CFAP53: variants seen among roughly 807,000 people sequenced by gnomAD.
The protein encoded by CFAP53 is cilia and flagella associated protein 53.
Under a neutral mutation model 59.7 loss-of-function variants are expected in CFAP53, and 62 were observed. That is an observed-to-expected ratio of 1.04 (90% CI 0.85 to 1.28). CFAP53 has a LOEUF of 1.28. Ranked by LOEUF, CFAP53 falls within the 50% of genes most tolerant of loss-of-function variation. CFAP53 has a pLI of 0.00. For synonymous variants in CFAP53, 218 were observed against 205.7 expected, an observed-to-expected ratio of 1.06 and a Z score of -0.51; for missense variants, 629 against 615.6, an observed-to-expected ratio of 1.02 and a Z score of -0.23.
chr18:50,237,403 CATAT>C lies in CFAP53; in HGVS notation c.1316+1196_1316+1199del, dbSNP rs66487436. ...ACACACATACACACACACACACACA[CATAT>C]ATATATATATGAGAAGGAAAGATTT... On this transcript the variant is annotated intron_variant, in intron 7 of 7. Coordinates refer to ENST00000398545, the MANE Select transcript of CFAP53 (RefSeq NM_145020.5). 6.9e-4 allele frequency among the ~76,000 whole-genome samples: 75 copies of C among 108,128 alleles called. 3 individuals are homozygous for C. The Middle Eastern group carries it at 0.017, about 25-fold the overall frequency. The allele number at this position is 108,128 out of a possible 152,430, so 70.9% of individuals were successfully genotyped here. A position where few individuals can be genotyped will look rare whatever the true frequency, so the allele number is the denominator to read the frequency against.
At chr18:50,250,714 G>C in intron 5 of CFAP53, 44 bp downstream of exon 5, 1 of 1,474,586 alleles carries the variant, frequency 6.8e-7, no homozygotes, top group Non-Finnish European at 9.5e-7. Flanking sequence ...AACTCAGTAA[G>C]GAATCCCTTC....
chr18:50,265,592 C>A (rs776742793), intron 1 of CFAP53, among the ~76,000 whole-genome samples: 27 of 152,322 alleles, frequency 1.8e-4, no homozygotes, highest in South Asian at 6.2e-4. Context: ...CACAATACTG[C>A]GCACACAGCA....
intron 7 of CFAP53, 108 bp from the exon 8 acceptor site, chr18:50,227,717 T>A: frequency 1.2e-6 from 1 of 859,858 alleles, no homozygotes; most frequent in Non-Finnish European, 1.8e-6. Flanking sequence ...AAATTCCCAT[T>A]AAAATCAGGG....
intron 3 of CFAP53, chr18:50,256,156 A>C (rs780727317): frequency 5.3e-5 from 8 of 152,242 alleles, no homozygotes; most frequent in Non-Finnish European, 1.2e-4. Flanking sequence ...TAAATCCATA[A>C]ATTTTAAAAG....
chr18:50,240,975 G>C (rs190047606), intron 6 of CFAP53, among the ~76,000 whole-genome samples: 1 of 152,350 alleles, frequency 6.6e-6, no homozygotes, highest in Non-Finnish European at 1.5e-5. Flanking sequence ...GCTTGAAGCT[G>C]AGGGAACATA....
At chr18:50,253,807 C>T (rs1312371848) in intron 3 of CFAP53, among the ~76,000 whole-genome samples, 7 of 152,090 alleles carry the variant, frequency 4.6e-5, no homozygotes, top group East Asian at 3.9e-4. Context: ...TGTTTCATTG[C>T]ATCACCTCTG....
At chr18:50,230,206 T>C (rs1004744469) in intron 7 of CFAP53, among the ~76,000 whole-genome samples, 2 of 152,358 alleles carry the variant, frequency 1.3e-5, no homozygotes, top group African/African-American at 4.8e-5. Flanking sequence ...GTATCTTTTG[T>C]AATTCATAGG....
intron 5 of CFAP53, among the ~76,000 whole-genome samples, chr18:50,244,584 G>A (rs1230650029): frequency 6.6e-6 from 1 of 152,132 alleles, no homozygotes; most frequent in Non-Finnish European, 1.5e-5. Flanking sequence ...ATATAAGACT[G>A]GAGCAGAAAC....
At chr18:50,246,365 A>G (rs977956017) in intron 5 of CFAP53, among the ~76,000 whole-genome samples, 1 of 152,232 alleles carries the variant, frequency 6.6e-6, no homozygotes, top group African/African-American at 2.4e-5. Flanking sequence ...AGACAATTCA[A>G]TAGGGGAACA....
chr18:50,262,027 G>C lies in CFAP53; in HGVS notation c.262C>G (p.Gln88Glu). Reference protein sequence around the residue: ...LVRARIKDAVQGFIINIEERR... With the variant: ...LVRARIKDAVEGFIINIEERR... ...TCTTCAATGTTAATGATAAACCCTT[G>C]CACAGCATCCTTGATTCTTGCTCGC... The change falls in exon 2 of 8, where the codon CAA (glutamine) becomes GAA (glutamate). Residue 88 changes from glutamine (Q) to glutamate (E), a missense_variant. Transcript: ENST00000398545. 1 of 1,614,030 alleles carries C rather than the reference G, an allele frequency of 6.2e-7. No individual in the cohort carries two copies.
At chr18:50,243,947 G>A (rs138063112) in intron 5 of CFAP53, among the ~76,000 whole-genome samples, 19,137 of 146,198 alleles carry the variant, frequency 0.13, 1,514 homozygotes, top group South Asian at 0.2. Flanking sequence ...GCGAGACTCC[G>A]TTTCAAAAAA....
chr18:50,266,134 CAGAG>C (rs1329414484), intron 1 of CFAP53, among the ~76,000 whole-genome samples, 198 bp downstream of exon 1: 1 of 152,168 alleles, frequency 6.6e-6, no homozygotes, highest in Non-Finnish European at 1.5e-5. Flanking sequence ...AGGATGAAAA[CAGAG>C]GGAGATGAGT....
At position 50,266,483 on chromosome 18, in the gene CFAP53, G is replaced by C; in HGVS notation, c.-79C>G. Reference sequence around the variant, plus strand: ...GGCGACCTGCGGGACCCGCTTCCGCGACGCAGAAGTCTGGTTGCCATGGTG... The same window carrying C: ...GGCGACCTGCGGGACCCGCTTCCGCCACGCAGAAGTCTGGTTGCCATGGTG... On this transcript the variant is annotated 5_prime_UTR_variant, in exon 1 of 8. Transcript: ENST00000398545. The C allele has an allele frequency of 7.1e-7, 1 of 1,413,362 alleles. No individual in the cohort carries two copies. The highest frequency in any genetic ancestry group is 1.0e-6 in the Non-Finnish European group (1 of 997,442). 87.6% of individuals were successfully genotyped at this position (1,413,362 alleles called of 1,614,324 possible).
chr18:50,254,155 A>G (rs1473575452), intron 3 of CFAP53, among the ~76,000 whole-genome samples: 1 of 151,768 alleles, frequency 6.6e-6, no homozygotes, highest in Non-Finnish European at 1.5e-5. Context: ...AAGATAAGCT[A>G]TAGTCTAGGA....
intron 2 of CFAP53, 76 bp downstream of exon 2, chr18:50,261,914 G>T: frequency 8.7e-7 from 1 of 1,148,726 alleles, no homozygotes; most frequent in Non-Finnish European, 1.3e-6. Flanking sequence ...TGCTAAATTT[G>T]ATTTTTGACT....
chr18:50,250,112 G>A (rs34974209), intron 5 of CFAP53, among the ~76,000 whole-genome samples: 99,126 of 151,262 alleles, frequency 0.66, 33,061 homozygotes, highest in East Asian at 0.79. Context: ...CCAGCTACTC[G>A]GGAGGCTGAG....
Position 50,227,419 on chromosome 18 carries a change from G to A in CFAP53, c.1507C>T (p.Pro503Ser), listed in dbSNP as rs746950910. The change falls in exon 8 of 8, where the codon CCC (proline) becomes TCC (serine). Residue 503 changes from proline to serine, a missense_variant. By Grantham distance (74) the Pro-to-Ser change is moderately conservative. Coordinates refer to ENST00000398545, the MANE Select transcript of CFAP53 (RefSeq NM_145020.5). The part of the protein sequence containing the change: ...THQVLPQNIH[P>S]MRKACPSKLP... ...TTACTGGGGCATGCCTTGCGCATGG[G>A]ATGAATGTTTTGAGGCAGCACTTGA... 1.2e-6 allele frequency: 2 copies of A among 1,614,178 alleles called. No individual in the cohort carries two copies. Among genetic ancestry groups the A allele is most frequent in the Non-Finnish European group, 1.7e-6 (2 of 1,180,006 alleles).
intron 7 of CFAP53, among the ~76,000 whole-genome samples, chr18:50,233,181 T>C (rs1351511788): frequency 2.6e-5 from 4 of 152,064 alleles, no homozygotes; most frequent in Non-Finnish European, 4.4e-5. Flanking sequence ...TGTGGTCTAA[T>C]TAGAATGCAA....
chr18:50,234,256 A>G (rs952465857), intron 7 of CFAP53, among the ~76,000 whole-genome samples: 9 of 152,238 alleles, frequency 5.9e-5, no homozygotes, highest in Admixed American at 2.0e-4. Flanking sequence ...TTATGCCTAT[A>G]AACAGTTCAG....
Sources: gnomAD v4.1 joint callset for allele counts (sites outside exome capture counted in the v4.1 genomes callset) on GRCh38, gnomAD v4.1.1 for gene constraint, MANE v1.5 for transcripts, NCBI Gene and HGNC (gene_info 2026-07-23, HGNC 2026-07-21) for gene names.